The following AP2B1 variants were observed in gnomAD, a reference collection of about 807,000 sequenced individuals.
AP2B1 encodes adaptor related protein complex 2 subunit beta 1.
AP2B1 carries 23 observed loss-of-function variants against 102.0 expected under a neutral mutation model. The observed-to-expected ratio is 0.23, with a 90% CI of 0.16 to 0.32. The LOEUF (loss-of-function observed/expected upper bound fraction) is 0.32, where lower values mean the gene tolerates loss of function less well. AP2B1 is among the 10% of genes least tolerant of loss of function. AP2B1 has a pLI of 1.00. For missense variants in AP2B1, 541 were observed against 1,157.4 expected (o/e 0.47, Z 7.73); for synonymous variants, 381 against 421.2 (o/e 0.90, Z 1.17).
At chr17:35,618,939 T>C (rs1232239088) in intron 5 of AP2B1, among the ~76,000 whole-genome samples, 1 of 152,248 alleles carries the variant, frequency 6.6e-6, no homozygotes, top group African/African-American at 2.4e-5. Context: ...TTTCTCCTTG[T>C]ATATAAATCT....
chr17:35,688,770 C>A (rs1366192955), intron 18 of AP2B1, among the ~76,000 whole-genome samples: 3 of 152,152 alleles, frequency 2.0e-5, no homozygotes, highest in African/African-American at 7.2e-5. Context: ...CCAAGACCAG[C>A]CTGGCCAACT....
rs565253854 is a variant in AP2B1, at chr17:35,593,997, T to C, written c.-23-11T>C. The C allele has an allele frequency of 3.3e-6, 5 of 1,506,242 alleles. No homozygotes were observed. In the African/African-American group the frequency reaches 7.0e-5, roughly 21 times the overall value. The allele number at this position is 1,506,242 out of a possible 1,614,324, so 93.3% of individuals were successfully genotyped here. ...TAACCTGAATGAAGGAATTCTTTTC[T>C]CTTGCTATAGGTGCACATTAAAGAT... On this transcript the variant is annotated splice_polypyrimidine_tract_variant and intron_variant, in intron 1 of 21. Coordinates refer to ENST00000610402, the MANE Select transcript of AP2B1 (RefSeq NM_001030006.2).
chr17:35,587,598 G>C (rs1308073153), intron 1 of AP2B1, 170 bp downstream of exon 1: 1 of 152,516 alleles, frequency 6.6e-6, no homozygotes, highest in Non-Finnish European at 1.5e-5. Context: ...GAGGGAAAAG[G>C]TTGGAGAAAG....
At chr17:35,591,291 C>T (rs1369882771) in intron 1 of AP2B1, among the ~76,000 whole-genome samples, 1 of 151,784 alleles carries the variant, frequency 6.6e-6, no homozygotes, top group Non-Finnish European at 1.5e-5. Flanking sequence ...GCAGATGTTG[C>T]AGTGAGTCCC....
At chr17:35,661,891 C>G (rs2075365799) in intron 14 of AP2B1, among the ~76,000 whole-genome samples, 1 of 152,110 alleles carries the variant, frequency 6.6e-6, no homozygotes, top group Non-Finnish European at 1.5e-5. Flanking sequence ...TAGGTTGGAG[C>G]AAAAGTAATT....
intron 5 of AP2B1, among the ~76,000 whole-genome samples, chr17:35,614,500 C>A (rs1448842408): frequency 6.6e-6 from 1 of 151,870 alleles, no homozygotes; most frequent in Non-Finnish European, 1.5e-5. Context: ...TGCTTTTTGT[C>A]TTCTTGGGTT....
intron 14 of AP2B1, among the ~76,000 whole-genome samples, chr17:35,667,531 T>G (rs1022810764): frequency 1.3e-5 from 2 of 152,222 alleles, no homozygotes; most frequent in African/African-American, 2.4e-5. Context: ...TGACAAGCAC[T>G]GGGGGACAGT....
At chr17:35,619,505 CA>C (rs1477627050) in intron 5 of AP2B1, among the ~76,000 whole-genome samples, 1 of 151,580 alleles carries the variant, frequency 6.6e-6, no homozygotes, top group Admixed American at 6.6e-5. Flanking sequence ...AAACAACCAG[CA>C]GATTCCACAG....
chr17:35,626,566 G>A, intron 6 of AP2B1, 55 bp from the exon 7 acceptor site: 1 of 1,405,348 alleles, frequency 7.1e-7, no homozygotes, highest in South Asian at 1.2e-5. Context: ...CTTATAGAAT[G>A]AATTCAGCAA....
chr17:35,627,841 G>T lies in AP2B1; in HGVS notation c.1155+115G>T, dbSNP rs1023834391. Reference sequence around the variant, plus strand: ...AAATAATAAAGCACACAGTTTCAATGTTAAAGAATTTTTAATGGAAAGCAG... The same window carrying T: ...AAATAATAAAGCACACAGTTTCAATTTTAAAGAATTTTTAATGGAAAGCAG... On this transcript the variant is annotated intron_variant, in intron 9 of 21. Transcript: ENST00000610402. 3 of 853,050 alleles carry T rather than the reference G, an allele frequency of 3.5e-6. No homozygotes were observed. The African/African-American group carries it at 5.2e-5, about 15-fold the overall frequency. 52.8% of individuals were successfully genotyped at this position (853,050 alleles called of 1,614,324 possible).
Position 35,641,957 on chromosome 17 carries a change from C to T in AP2B1, c.1518C>T (p.Val506=). The change falls in exon 12 of 22, where the codon GTC becomes GTT. Residue 506 remains valine (V), a synonymous_variant. Coordinates refer to ENST00000610402, the MANE Select transcript of AP2B1 (RefSeq NM_001030006.2). ...PSETQELVQQ[V]LSLATQDSDN... is the part of the protein sequence containing the mutation. ...AAACACAGGAGCTAGTCCAGCAGGT[C>T]TTGAGTTTGGCAACACAGGTAAGAA... The T allele has an allele frequency of 6.2e-7, 1 of 1,611,908 alleles. No homozygotes were observed.
chr17:35,630,336 T>A (rs1271486188), intron 9 of AP2B1, among the ~76,000 whole-genome samples: 1 of 152,270 alleles, frequency 6.6e-6, no homozygotes, highest in Non-Finnish European at 1.5e-5. Flanking sequence ...TTGTTGGATC[T>A]TGATATGTTA....
At chr17:35,598,149 G>T (rs752402444) in intron 2 of AP2B1, 81 bp from the exon 3 acceptor site, 9 of 606,830 alleles carry the variant, frequency 1.5e-5, no homozygotes, top group Admixed American at 2.7e-5. Flanking sequence ...TGCTATCCTG[G>T]TATTGGTTAT....
intron 18 of AP2B1, among the ~76,000 whole-genome samples, chr17:35,704,873 A>G (rs2076308813): frequency 3.9e-5 from 6 of 152,150 alleles, no homozygotes; most frequent in Admixed American, 3.9e-4. Context: ...TCTACTAAAA[A>G]TACAAAAATT....
chr17:35,711,697 T>G (rs1298549495), intron 20 of AP2B1, among the ~76,000 whole-genome samples: 8 of 152,206 alleles, frequency 5.3e-5, no homozygotes, highest in Non-Finnish European at 4.4e-5. Flanking sequence ...GTTCTTGATC[T>G]CCTGACCTTG....
At chr17:35,721,368 ATG>A (rs2085386652) in intron 21 of AP2B1, among the ~76,000 whole-genome samples, 1 of 152,164 alleles carries the variant, frequency 6.6e-6, no homozygotes, top group African/African-American at 2.4e-5. Flanking sequence ...GGATTCCTGA[ATG>A]GCTGATGTTA....
At chr17:35,600,289 G>A (rs1310828402) in intron 3 of AP2B1, among the ~76,000 whole-genome samples, 2 of 151,976 alleles carry the variant, frequency 1.3e-5, no homozygotes, top group African/African-American at 4.8e-5. Flanking sequence ...CACCATGTTG[G>A]CCAGGCTGGT....
In AP2B1 at chr17:35,674,208, G is replaced by A; in HGVS notation, c.2211G>A (p.Leu737=). The A allele has an allele frequency of 6.2e-7, 1 of 1,614,128 alleles. No individual in the cohort carries two copies. The highest frequency in any genetic ancestry group is 8.5e-7 in the Non-Finnish European group (1 of 1,180,010). Reference sequence around the variant, plus strand: ...TACCTGCAGTAAAGGCTAAAGGCTTGGAGATTTCCGGAACATTTACTCACC... The same window carrying A: ...TACCTGCAGTAAAGGCTAAAGGCTTAGAGATTTCCGGAACATTTACTCACC... The part of the protein sequence containing the change: ...VWLPAVKAKG[L]EISGTFTHRQ... The change falls in exon 17 of 22, where the codon TTG becomes TTA. Residue 737 remains leucine (L), a synonymous_variant. Coordinates refer to ENST00000610402, the MANE Select transcript of AP2B1 (RefSeq NM_001030006.2).
chr17:35,675,649 G>C (rs533886904), intron 17 of AP2B1, among the ~76,000 whole-genome samples: 14 of 144,968 alleles, frequency 9.7e-5, no homozygotes, highest in East Asian at 2.0e-4. Context: ...TTTTTTTTGT[G>C]GGGGGATGGA....
Sources: allele counts gnomAD v4.1 joint callset (sites outside exome capture counted in the v4.1 genomes callset), GRCh38; gene constraint gnomAD v4.1.1; transcripts MANE v1.5; gene names NCBI Gene and HGNC (gene_info 2026-07-23, HGNC 2026-07-21).